Variants in NALF1 observed in about 807,000 individuals in gnomAD.
NALF1 encodes the protein NALCN channel auxiliary factor 1.
In NALF1, 3 loss-of-function variants were observed where a neutral mutation model predicts 48.4. The observed-to-expected ratio is 0.06, with a 90% confidence interval of 0.03 to 0.16. The LOEUF is 0.16. Ranked by LOEUF, NALF1 falls within the 10% of genes least tolerant of loss-of-function variation. The pLI is 1.00. For missense variants in NALF1, 526 were observed against 571.5 expected (o/e 0.92, Z 0.81); for synonymous variants, 262 against 245.7 (o/e 1.07, Z -0.62).
intron 1 of NALF1, among the ~76,000 whole-genome samples, chr13:107,855,303 C>T (rs1364634232): frequency 6.6e-6 from 1 of 152,204 alleles, no homozygotes; most frequent in Non-Finnish European, 1.5e-5. Context: ...TGCTGGCAGC[C>T]CGGGAGAGCT....
intron 1 of NALF1, among the ~76,000 whole-genome samples, chr13:107,433,328 A>G (rs1884413376): frequency 6.6e-6 from 1 of 152,230 alleles, no homozygotes; most frequent in Admixed American, 6.5e-5. Context: ...GTCTATGGTT[A>G]GAATAAATGT....
In NALF1 at chr13:107,360,432, A is replaced by G. The variant is rs375574186; in HGVS notation, c.916-149677T>C. On this transcript the variant is annotated intron_variant, in intron 1 of 2. Transcript: ENST00000375915. Reference sequence around the variant, plus strand: ...CTAATGAAACATCTCACCCTTTCACATCATGAAAATTGGTGGAGTCTTAGT... The same window carrying G: ...CTAATGAAACATCTCACCCTTTCACGTCATGAAAATTGGTGGAGTCTTAGT... 4.6e-5 allele frequency among the ~76,000 whole-genome samples: 7 copies of G among 152,290 alleles called. No individual in the cohort carries two copies. The East Asian group carries it at 1.2e-3, about 25-fold the overall frequency.
chr13:107,395,374 C>A (rs117034293), intron 1 of NALF1, among the ~76,000 whole-genome samples: 2,036 of 152,228 alleles, frequency 0.013, 25 homozygotes, highest in South Asian at 0.033. Flanking sequence ...CAGTAATGGC[C>A]TCATTCAAGG....
chr13:107,652,471 A>G (rs777439753), intron 1 of NALF1, among the ~76,000 whole-genome samples: 7 of 152,198 alleles, frequency 4.6e-5, no homozygotes, highest in Non-Finnish European at 7.4e-5. Context: ...CCCTTCTCCT[A>G]TGAAATTCAA....
chr13:107,621,915 A>G (rs1347473415), intron 1 of NALF1, among the ~76,000 whole-genome samples: 3 of 152,120 alleles, frequency 2.0e-5, no homozygotes, highest in Non-Finnish European at 4.4e-5. Context: ...TCCACCACGG[A>G]TAACTGGGAA....
intron 1 of NALF1, among the ~76,000 whole-genome samples, chr13:107,382,459 G>A (rs1883457598): frequency 6.6e-6 from 1 of 152,092 alleles, no homozygotes; most frequent in Non-Finnish European, 1.5e-5. Context: ...TAGACTTACA[G>A]AGGAGTTGCA....
chr13:107,205,402 G>A (rs906579999), intron 2 of NALF1, among the ~76,000 whole-genome samples: 5 of 152,038 alleles, frequency 3.3e-5, no homozygotes, highest in African/African-American at 9.7e-5. Flanking sequence ...TCAATATGTA[G>A]ATCAATGCAT....
chr13:107,540,715 G>A (rs1265403011), intron 1 of NALF1, among the ~76,000 whole-genome samples: 1 of 152,040 alleles, frequency 6.6e-6, no homozygotes, highest in Non-Finnish European at 1.5e-5. Context: ...ACAAACTAAA[G>A]TCATCCAATT....
intron 2 of NALF1, among the ~76,000 whole-genome samples, chr13:107,180,832 A>G (rs926227182): frequency 1.3e-5 from 2 of 151,870 alleles, no homozygotes; most frequent in Admixed American, 1.3e-4. Context: ...TTAACCGTCT[A>G]GGATAGTTTA....
intron 1 of NALF1, among the ~76,000 whole-genome samples, chr13:107,799,040 G>A (rs540241502): frequency 2.6e-5 from 4 of 152,176 alleles, no homozygotes; most frequent in African/African-American, 4.8e-5. Context: ...CCTGTGACCC[G>A]GAAATTGCAG....
At chr13:107,725,449 T>A (rs1292485917) in intron 1 of NALF1, among the ~76,000 whole-genome samples, 1 of 152,248 alleles carries the variant, frequency 6.6e-6, no homozygotes, top group East Asian at 1.9e-4. Flanking sequence ...GGCTCACACC[T>A]GTAATCCCAA....
intron 1 of NALF1, among the ~76,000 whole-genome samples, chr13:107,801,265 C>T (rs1308313868): frequency 6.6e-6 from 1 of 152,158 alleles, no homozygotes; most frequent in Non-Finnish European, 1.5e-5. Flanking sequence ...AACACTGTCT[C>T]ATAGCTAATT....
rs1248823685 is a variant in NALF1, at chr13:107,867,322, C to T, written c.-726G>A. ...TAAGTGCTGCCGCCGCCGCCGCCGC[C>T]GCCGCCGCTGCCGCAGGGCCGCCCG... is the stretch of plus-strand genomic sequence containing the variant. On this transcript the variant is annotated 5_prime_UTR_variant, in exon 1 of 3. Transcript: ENST00000375915. The surrounding 1 kb of genome is among the most constrained non-coding windows in gnomAD (Gnocchi z 4.4). 1.2e-4 allele frequency among the ~76,000 whole-genome samples: 16 copies of T among 136,168 alleles called. No homozygotes were observed. The highest frequency in any genetic ancestry group is 2.4e-4 in the Non-Finnish European group (15 of 61,862). 89.3% of individuals were successfully genotyped at this position (136,168 alleles called of 152,430 possible). A position where few individuals can be genotyped will look rare whatever the true frequency, so the allele number is the denominator to read the frequency against.
intron 1 of NALF1, among the ~76,000 whole-genome samples, chr13:107,291,630 G>T (rs941493895): frequency 9.9e-5 from 15 of 151,806 alleles, no homozygotes; most frequent in African/African-American, 3.6e-4. Context: ...TTTGGATAAG[G>T]GATATTCAAC....
chr13:107,520,375 C>T (rs1052456381), intron 1 of NALF1, among the ~76,000 whole-genome samples: 1 of 152,108 alleles, frequency 6.6e-6, no homozygotes, highest in Non-Finnish European at 1.5e-5. Context: ...TGTATCTTCA[C>T]AGTAAATGTC....
chr13:107,641,433 T>C (rs1247370231), intron 1 of NALF1, among the ~76,000 whole-genome samples: 6 of 152,178 alleles, frequency 3.9e-5, no homozygotes, highest in Admixed American at 2.6e-4. Flanking sequence ...CAAAAAAAGA[T>C]AATTGAGGTG....
chr13:107,669,525 C>A (rs1225680854), intron 1 of NALF1, among the ~76,000 whole-genome samples: 2 of 152,098 alleles, frequency 1.3e-5, no homozygotes, highest in Non-Finnish European at 2.9e-5. Context: ...ATTGGATTCT[C>A]TGAAGAAGCA....
intron 1 of NALF1, among the ~76,000 whole-genome samples, chr13:107,838,347 A>C (rs148010778): frequency 3.9e-4 from 59 of 152,328 alleles, no homozygotes; most frequent in African/African-American, 1.4e-3. Flanking sequence ...ATGCACCGCT[A>C]TGCATTCCTT....
At chr13:107,399,223 C>T (rs1176254084) in intron 1 of NALF1, among the ~76,000 whole-genome samples, 1 of 151,986 alleles carries the variant, frequency 6.6e-6, no homozygotes, top group African/African-American at 2.4e-5. Flanking sequence ...GGGTTGTATA[C>T]AAATTATATA....
Sources: allele counts gnomAD v4.1 joint callset (sites outside exome capture counted in the v4.1 genomes callset), GRCh38; gene constraint gnomAD v4.1.1; non-coding constraint Gnocchi (gnomAD v3.1); transcripts MANE v1.5; gene names NCBI Gene and HGNC (gene_info 2026-07-23, HGNC 2026-07-21).